ERBIN: variants seen among roughly 807,000 people sequenced by gnomAD.
The protein encoded by ERBIN is erbb2 interacting protein.
Under a neutral mutation model 158.4 loss-of-function variants are expected in ERBIN, and 60 were observed. That is an observed-to-expected ratio of 0.38 (90% CI 0.31 to 0.47). The LOEUF (loss-of-function observed/expected upper bound fraction) is 0.47, where lower values mean the gene tolerates loss of function less well. Among genes scored for constraint, ERBIN ranks in the 20% least tolerant of loss-of-function variants. The pLI is 0.99. For synonymous variants in ERBIN, 594 were observed against 557.2 expected (o/e 1.07, Z -0.93); for missense variants, 1,610 against 1,648.0 (o/e 0.98, Z 0.40).
chr5:65,981,042 G>C (rs534844608), intron 1 of ERBIN, among the ~76,000 whole-genome samples: 1 of 152,152 alleles, frequency 6.6e-6, no homozygotes, highest in Non-Finnish European at 1.5e-5. Flanking sequence ...TACGTGGGGC[G>C]TCAAAAGTCT....
chr5:66,065,473 A>C (rs1047588924), intron 21 of ERBIN, among the ~76,000 whole-genome samples: 3 of 152,124 alleles, frequency 2.0e-5, no homozygotes, highest in Non-Finnish European at 4.4e-5. Context: ...TTGTACCTAG[A>C]TTTTACCTTT....
chr5:66,004,036 C>CA (rs1382322682), intron 4 of ERBIN, among the ~76,000 whole-genome samples: 1 of 146,284 alleles, frequency 6.8e-6, no homozygotes, highest in African/African-American at 2.5e-5. Context: ...CTCTTGGACT[C>CA]AAGGGAGGCT....
chr5:66,065,540 A>G (rs1301247420), intron 21 of ERBIN, among the ~76,000 whole-genome samples: 1 of 151,298 alleles, frequency 6.6e-6, no homozygotes, highest in Non-Finnish European at 1.5e-5. Context: ...GGGTCTATAA[A>G]TAAAACTGTA....
intron 4 of ERBIN, among the ~76,000 whole-genome samples, chr5:66,005,163 A>G (rs1753456841): frequency 6.6e-6 from 1 of 152,154 alleles, no homozygotes; most frequent in Non-Finnish European, 1.5e-5. Context: ...ATCTGAGGTG[A>G]TAGTGATGGA....
chr5:65,970,646 C>T (rs909903859), intron 1 of ERBIN, among the ~76,000 whole-genome samples: 6 of 152,256 alleles, frequency 3.9e-5, no homozygotes, highest in Middle Eastern at 3.4e-3. Context: ...TGAGTGCAGT[C>T]GTGAATCATA....
intron 4 of ERBIN, among the ~76,000 whole-genome samples, chr5:66,003,093 A>G (rs947452651): frequency 6.6e-6 from 1 of 152,214 alleles, no homozygotes; most frequent in African/African-American, 2.4e-5. Flanking sequence ...TCTGGAAGCT[A>G]TCATCATTTG....
chr5:66,012,340 GT>G (rs901320653), intron 5 of ERBIN, among the ~76,000 whole-genome samples: 1 of 152,136 alleles, frequency 6.6e-6, no homozygotes, highest in Non-Finnish European at 1.5e-5. Flanking sequence ...TAGTGAGAGT[GT>G]TTTGCTCCAA....
At position 66,025,971 on chromosome 5, in the gene ERBIN, C is replaced by T. The variant is rs773435349; in HGVS notation, c.1014C>T (p.Pro338=). 2.5e-6 allele frequency: 4 copies of T among 1,578,338 alleles called. No homozygotes were observed. Among genetic ancestry groups the T allele is most frequent in the Non-Finnish European group, 8.6e-7 (1 of 1,166,884 alleles). Residue 338 remains proline, a synonymous_variant, in exon 12 of 26, where the codon CCC becomes CCT. Transcript: ENST00000284037. ...ATCATAATTACTTACAGCAGTTGCC[C>T]CCAGAGGTAATGTATTTTAGATTTG... The part of the protein sequence containing the change: ...AADHNYLQQL[P]PEIGSWKNIT...
At chr5:65,948,676 A>G (rs950680261) in intron 1 of ERBIN, among the ~76,000 whole-genome samples, 1 of 151,230 alleles carries the variant, frequency 6.6e-6, no homozygotes, top group African/African-American at 2.4e-5. Context: ...TCATTATTCT[A>G]ATTTTGATTT....
intron 1 of ERBIN, among the ~76,000 whole-genome samples, chr5:65,980,261 C>A (rs755957154): frequency 1.3e-4 from 20 of 151,868 alleles, no homozygotes; most frequent in Non-Finnish European, 2.4e-4. Context: ...ACTAAAAATA[C>A]AAAAATTAGC....
intron 1 of ERBIN, among the ~76,000 whole-genome samples, chr5:65,929,206 G>T (rs986969733): frequency 1.1e-4 from 17 of 152,194 alleles, no homozygotes; most frequent in African/African-American, 4.1e-4. Context: ...TATATCATTG[G>T]CAAATCTCAA....
chr5:65,985,771 G>A (rs987485811), intron 1 of ERBIN, among the ~76,000 whole-genome samples: 5 of 152,116 alleles, frequency 3.3e-5, no homozygotes, highest in African/African-American at 4.8e-5. Context: ...CTGAGTTGTC[G>A]ATTCTAGTTC....
intron 21 of ERBIN, among the ~76,000 whole-genome samples, chr5:66,063,758 A>G (rs923866657): frequency 5.3e-5 from 8 of 152,222 alleles, no homozygotes; most frequent in African/African-American, 1.9e-4. Context: ...AATTTGTTTT[A>G]AATACCTATT....
At chr5:66,033,821 T>C (rs1488896919) in intron 14 of ERBIN, among the ~76,000 whole-genome samples, 1 of 152,058 alleles carries the variant, frequency 6.6e-6, no homozygotes. Context: ...AGATTAAGAA[T>C]ATGAGGGTCT....
At chr5:66,023,139 C>T in intron 8 of ERBIN, 151 bp from the exon 9 acceptor site, 2 of 606,154 alleles carry the variant, frequency 3.3e-6, no homozygotes, top group Non-Finnish European at 5.8e-6. Context: ...TACATCCTGG[C>T]TCTTCTTTTT....
chr5:66,018,564 A>AT lies in ERBIN; in HGVS notation c.534-2757dup, dbSNP rs1238936571. 1.9e-4 allele frequency among the ~76,000 whole-genome samples: 2 copies of AT among 10,784 alleles called. 1 individual carries two copies. The highest frequency in any genetic ancestry group is 3.6e-4 in the Non-Finnish European group (2 of 5,550). The allele number at this position is 10,784 out of a possible 152,430, so 7.1% of individuals were successfully genotyped here. On this transcript the variant is annotated intron_variant, in intron 7 of 25. Coordinates refer to ENST00000284037, the MANE Select transcript of ERBIN (RefSeq NM_001253697.2). ...ATATATATTATATATTATATAATAT[A>AT]TATTATATTATATAATATATATTAT...
chr5:66,055,316 A>T (rs889889511), intron 21 of ERBIN, among the ~76,000 whole-genome samples: 8 of 152,234 alleles, frequency 5.3e-5, no homozygotes, highest in African/African-American at 1.9e-4. Flanking sequence ...TTTACTATAT[A>T]GTTAAGACAA....
At chr5:66,068,823 G>T in intron 21 of ERBIN, 2 of 1,436,338 alleles carry the variant, frequency 1.4e-6, no homozygotes, top group Non-Finnish European at 1.8e-6. Context: ...AACATGTCTC[G>T]TGGATTTTGC....
At chr5:65,973,192 G>A (rs888275288) in intron 1 of ERBIN, among the ~76,000 whole-genome samples, 4 of 148,276 alleles carry the variant, frequency 2.7e-5, no homozygotes, top group Non-Finnish European at 5.9e-5. Flanking sequence ...TCATAGGTGG[G>A]AATTGAACAG....
Sources: allele counts gnomAD v4.1 joint callset (sites outside exome capture counted in the v4.1 genomes callset), GRCh38; gene constraint gnomAD v4.1.1; transcripts MANE v1.5; gene names NCBI Gene and HGNC (gene_info 2026-07-23, HGNC 2026-07-21).